The following SKA1 variants were observed in gnomAD, a reference collection of about 807,000 sequenced individuals.
SKA1 encodes the protein spindle and kinetochore associated complex subunit 1.
Under a neutral mutation model 31.8 loss-of-function variants are expected in SKA1, and 20 were observed. That is an observed-to-expected ratio of 0.63 (90% CI 0.44 to 0.91). The LOEUF (loss-of-function observed/expected upper bound fraction) is 0.91, where lower values mean the gene tolerates loss of function less well. SKA1 is among the 40% of genes least tolerant of loss of function. The pLI is 0.00. For synonymous variants in SKA1, 88 were observed against 100.5 expected (o/e 0.88, Z 0.74); for missense variants, 253 against 298.2 (o/e 0.85, Z 1.12).
At position 50,385,087 on chromosome 18, in the gene SKA1, A is replaced by G. The variant is rs1004847781; in HGVS notation, c.312-129A>G. On this transcript the variant is annotated intron_variant, in intron 4 of 6. Transcript: ENST00000285116. ...CATGAACAATAGACATAGGGATAGA[A>G]AAAAATGTTGGCAATAAGATTATAA... 235 of 730,686 alleles carry G rather than the reference A, an allele frequency of 3.2e-4. 1 individual carries two copies. Among genetic ancestry groups the G allele is most frequent in the Non-Finnish European group, 4.4e-4 (209 of 472,990 alleles). The allele number at this position is 730,686 out of a possible 1,614,324, so 45.3% of individuals were successfully genotyped here. A position where few individuals can be genotyped will look rare whatever the true frequency, so the allele number is the denominator to read the frequency against.
At chr18:50,376,624 T>A (rs1052488012) in intron 2 of SKA1, among the ~76,000 whole-genome samples, 1 of 152,210 alleles carries the variant, frequency 6.6e-6, no homozygotes, top group Non-Finnish European at 1.5e-5. Flanking sequence ...TATACACTTA[T>A]GCTACACTAA....
intron 5 of SKA1, among the ~76,000 whole-genome samples, chr18:50,388,858 A>G (rs2041332627): frequency 6.6e-6 from 1 of 152,156 alleles, no homozygotes; most frequent in Non-Finnish European, 1.5e-5. Context: ...TCCTGGAAGT[A>G]AAACTCATGG....
intron 4 of SKA1, among the ~76,000 whole-genome samples, chr18:50,384,846 T>TA (rs559966862): frequency 4.4e-5 from 3 of 67,648 alleles, no homozygotes; most frequent in East Asian, 3.9e-4. Flanking sequence ...CCCTAAAACT[T>TA]AGAGTATAAT....
At chr18:50,384,640 T>C (rs1345441120) in intron 4 of SKA1, among the ~76,000 whole-genome samples, 1 of 135,872 alleles carries the variant, frequency 7.4e-6, no homozygotes, top group Admixed American at 8.2e-5. Flanking sequence ...GACAAGCTGT[T>C]AAGGGGTTAG....
At chr18:50,379,833 G>A (rs1432459083) in intron 2 of SKA1, among the ~76,000 whole-genome samples, 1 of 152,176 alleles carries the variant, frequency 6.6e-6, no homozygotes, top group Non-Finnish European at 1.5e-5. Flanking sequence ...TGTGGACGTA[G>A]AAGGATGCTT....
rs1433436435 is a variant in SKA1, at chr18:50,385,307, A to G, written c.403A>G (p.Lys135Glu). 1 of 1,613,482 alleles carries G rather than the reference A, an allele frequency of 6.2e-7. No homozygotes were observed. Among genetic ancestry groups the G allele is most frequent in the African/African-American group, 1.3e-5 (1 of 74,918 alleles). The change falls in exon 5 of 7, where the codon AAG becomes GAG. Residue 135 changes from lysine (K) to glutamate (E), a missense_variant. Lys to Glu is a moderately conservative substitution (Grantham distance 56). Transcript: ENST00000285116. ...KKPPKEQRSI[K>E]EMPFITCDEF... Reference sequence around the variant, plus strand: ...GCCTCCCAAAGAGCAAAGAAGTATTAAGGAAATGCCATTTATAACTTGTGA... The same window carrying G: ...GCCTCCCAAAGAGCAAAGAAGTATTGAGGAAATGCCATTTATAACTTGTGA...
chr18:50,384,446 C>T (rs1011865036), intron 4 of SKA1, among the ~76,000 whole-genome samples: 2 of 152,014 alleles, frequency 1.3e-5, no homozygotes, highest in East Asian at 1.9e-4. Flanking sequence ...CTATATTAGT[C>T]GGCTTCTCAC....
chr18:50,380,693 A>C (rs2041255812), intron 3 of SKA1, among the ~76,000 whole-genome samples: 1 of 152,180 alleles, frequency 6.6e-6, no homozygotes, highest in Non-Finnish European at 1.5e-5. Flanking sequence ...TAGCTCCCTT[A>C]TATGTCTATA....
At chr18:50,388,113 A>G (rs1471634572) in intron 5 of SKA1, among the ~76,000 whole-genome samples, 1 of 152,076 alleles carries the variant, frequency 6.6e-6, no homozygotes, top group East Asian at 1.9e-4. Context: ...TTTGAGATGG[A>G]GTCTTGCTCT....
rs375049289 is a variant in SKA1 at position 50,385,536 on chromosome 18, A to G, written c.449+183A>G. Among the ~76,000 whole-genome samples, 9 of 152,368 alleles carry G rather than the reference A, an allele frequency of 5.9e-5. No homozygotes were observed. The East Asian group carries it at 9.6e-4, about 16-fold the overall frequency. On this transcript the variant is annotated intron_variant, in intron 5 of 6. Transcript: ENST00000285116. ...AAGATTTTTGTTGTAAAACCCCTTC[A>G]TAGAGAGATCTAGAGATGGATCAAT...
At chr18:50,378,143 T>C (rs922593324) in intron 2 of SKA1, among the ~76,000 whole-genome samples, 5 of 152,242 alleles carry the variant, frequency 3.3e-5, no homozygotes, top group Admixed American at 3.3e-4. Flanking sequence ...AAATTCACTT[T>C]CTGAGGTTAT....
Position 50,393,427 on chromosome 18 carries a change from C to T in SKA1, c.*1180C>T, listed in dbSNP as rs969387220. On this transcript the variant is annotated 3_prime_UTR_variant, in exon 7 of 7. Coordinates refer to ENST00000285116, the MANE Select transcript of SKA1 (RefSeq NM_145060.4). ...AAGATCACTAGTGTCTAAATTCCATCGATGGCATTTCAGTCTATAGGTAAA... is the reference window on the plus strand; with the variant it reads ...AAGATCACTAGTGTCTAAATTCCATTGATGGCATTTCAGTCTATAGGTAAA... The T allele has an allele frequency of 3.3e-5, 5 of 152,180 alleles. No individual in the cohort carries two copies. The highest frequency in any genetic ancestry group is 2.0e-4 in the Admixed American group (3 of 15,278). The allele number at this position is 152,180 out of a possible 1,614,324, so 9.4% of individuals were successfully genotyped here.
chr18:50,391,904 A>G (rs2041360127), intron 6 of SKA1, among the ~76,000 whole-genome samples, 195 bp from the exon 7 acceptor site: 1 of 152,244 alleles, frequency 6.6e-6, no homozygotes, highest in African/African-American at 2.4e-5. Flanking sequence ...ACAGATAGCT[A>G]GTGACCTAAT....
intron 3 of SKA1, 122 bp downstream of exon 3, chr18:50,380,372 A>C: frequency 5.7e-6 from 6 of 1,057,014 alleles, no homozygotes; most frequent in Non-Finnish European, 6.4e-6. Context: ...TTAATGGTAC[A>C]GTATGCCATT....
At position 50,380,132 on chromosome 18, in the gene SKA1, A is replaced by G; in HGVS notation, c.95A>G (p.Glu32Gly). ...TTATTTTTGTTTATAACAGGCCAGG[A>G]ACCTACCTTGAAAACTGTATTAAAT... ...KTLSLRNCGQ[E>G]PTLKTVLNKI... Residue 32 changes from glutamate to glycine, a missense_variant, in exon 3 of 7, where the codon GAA becomes GGA. Transcript: ENST00000285116. 6.5e-7 allele frequency: 1 copy of G among 1,529,708 alleles called. No individual in the cohort carries two copies. The highest frequency in any genetic ancestry group is 1.7e-4 in the Middle Eastern group (1 of 5,724). 94.8% of individuals were successfully genotyped at this position (1,529,708 alleles called of 1,614,324 possible).
chr18:50,380,151 A>G lies in SKA1; in HGVS notation c.114A>G (p.Val38=), dbSNP rs145466094. ...NCGQEPTLKT[V]LNKIGDEIIV... is the part of the protein sequence containing the mutation. ...GCCAGGAACCTACCTTGAAAACTGT[A>G]TTAAATAAAATAGGAGATGAGATCA... Residue 38 remains valine (V), a synonymous_variant, in exon 3 of 7, where the codon GTA becomes GTG. Coordinates refer to ENST00000285116, the MANE Select transcript of SKA1 (RefSeq NM_145060.4). 20 of 1,544,038 alleles carry G rather than the reference A, an allele frequency of 1.3e-5. No individual in the cohort carries two copies. The African/African-American group carries it at 2.3e-4, about 18-fold the overall frequency.
intron 5 of SKA1, among the ~76,000 whole-genome samples, chr18:50,389,520 C>T (rs1371794967): frequency 6.6e-6 from 1 of 151,774 alleles, no homozygotes; most frequent in Non-Finnish European, 1.5e-5. Context: ...TTCAGCCTCC[C>T]AAGTAGCTGG....
chr18:50,386,427 C>T (rs528704891), intron 5 of SKA1, among the ~76,000 whole-genome samples: 1 of 152,180 alleles, frequency 6.6e-6, no homozygotes, highest in Non-Finnish European at 1.5e-5. Flanking sequence ...TTCTTAGAAC[C>T]TTTGTTAGAT....
chr18:50,392,009 C>T (rs2149324172), intron 6 of SKA1, 90 bp from the exon 7 acceptor site: 1 of 982,902 alleles, frequency 1.0e-6, no homozygotes, highest in East Asian at 2.7e-5. Flanking sequence ...GTAAAAACGA[C>T]TAATACCATT....
Sources: allele counts gnomAD v4.1 joint callset (sites outside exome capture counted in the v4.1 genomes callset), GRCh38; gene constraint gnomAD v4.1.1; transcripts MANE v1.5; gene names NCBI Gene and HGNC (gene_info 2026-07-23, HGNC 2026-07-21).